Variants in HMGCL observed in about 807,000 individuals in gnomAD.
The protein encoded by HMGCL is 3-hydroxy-3-methylglutaryl-CoA lyase, also known as hydroxymethylglutaryl-CoA lyase, mitochondrial.
Under a neutral mutation model 37.3 loss-of-function variants are expected in HMGCL, and 26 were observed. The observed-to-expected ratio is 0.70, with a 90% CI of 0.51 to 0.97. HMGCL has a LOEUF of 0.97. Among genes scored for constraint, HMGCL ranks in the 50% least tolerant of loss-of-function variants. The pLI is 0.00. For missense variants in HMGCL, 379 were observed against 398.1 expected (o/e 0.95, Z 0.41); for synonymous variants, 151 against 148.0 (o/e 1.02, Z -0.15).
At chr1:23,823,270 C>G (rs1183237442) in intron 1 of HMGCL, among the ~76,000 whole-genome samples, 2 of 151,944 alleles carry the variant, frequency 1.3e-5, no homozygotes, top group Non-Finnish European at 2.9e-5. Context: ...TCCTTCCTTC[C>G]CCGTAACAGC....
Position 23,813,879 on chromosome 1 carries a change from G to A in HMGCL, c.497+311C>T, listed in dbSNP as rs1460631815. 7.1e-6 allele frequency: 3 copies of A among 420,070 alleles called. No homozygotes were observed. In the East Asian group the frequency reaches 1.6e-4, roughly 22 times the overall value. 26.0% of individuals were successfully genotyped at this position (420,070 alleles called of 1,614,324 possible). ...ATTCCTTTAGCATGATAGCAGTGGT[G>A]CTATCATGGCTCACTGCAGCCTCAA... On this transcript the variant is annotated intron_variant, in intron 5 of 8. Transcript: ENST00000374490.
chr1:23,804,352 C>T (rs760734476), intron 8 of HMGCL, 48 bp downstream of exon 8: 4 of 1,612,774 alleles, frequency 2.5e-6, no homozygotes, highest in South Asian at 2.2e-5. Context: ...AGCTTCAGGC[C>T]CCCTGGTCAG....
chr1:23,819,229 A>T (rs910823107), intron 2 of HMGCL, among the ~76,000 whole-genome samples: 5 of 152,040 alleles, frequency 3.3e-5, no homozygotes, highest in African/African-American at 1.2e-4. Context: ...ATTTAATAAA[A>T]ATTGTATAAA....
In HMGCL at chr1:23,814,173, A is replaced by G; in HGVS notation, c.497+17T>C. 6.2e-7 allele frequency: 1 copy of G among 1,612,872 alleles called. No homozygotes were observed. The highest frequency in any genetic ancestry group is 1.3e-5 in the African/African-American group (1 of 74,994). Reference sequence around the variant, plus strand: ...AGAACGGTACAGAGGAAAGGATACCAATGTGCTCTGACTCACCCCCGCACA... The same window carrying G: ...AGAACGGTACAGAGGAAAGGATACCGATGTGCTCTGACTCACCCCCGCACA... On this transcript the variant is annotated intron_variant, in intron 5 of 8. Coordinates refer to ENST00000374490, the MANE Select transcript of HMGCL (RefSeq NM_000191.3).
In HMGCL at chr1:23,817,468, G is replaced by C. The variant is rs759149770; in HGVS notation, c.252+8C>G. On this transcript the variant is annotated splice_region_variant and intron_variant, in intron 3 of 8. Coordinates refer to ENST00000374490, the MANE Select transcript of HMGCL (RefSeq NM_000191.3). The stretch of plus-strand genomic sequence containing the variant: ...GAGAAAGGCCTTTCATTGAGGGCTA[G>C]GGCTCACCTGGGGAACCCACTTAGG... The C allele has an allele frequency of 2.0e-6, 3 of 1,534,898 alleles. No homozygotes were observed. The highest frequency in any genetic ancestry group is 4.5e-5 in the East Asian group (2 of 44,498).
chr1:23,804,301 C>T, intron 8 of HMGCL, 99 bp downstream of exon 8: 1 of 1,453,896 alleles, frequency 6.9e-7, no homozygotes, highest in Non-Finnish European at 9.6e-7. Flanking sequence ...TACTCCTCAG[C>T]ACCTTAACAA....
rs1209826847 is a variant in HMGCL, at chr1:23,816,702, G to A, written c.321C>T (p.Thr107=). ...CTGCCTCGAAGCCTTTCAAATTTGG[G>A]GTCAGGACTGGGTAGTTGATGCCAG... ...KFPGINYPVL[T]PNLKGFEAAV... The change falls in exon 4 of 9, where the codon ACC becomes ACT. Residue 107 remains threonine (T), a synonymous_variant. Transcript: ENST00000374490. 3 of 1,612,450 alleles carry A rather than the reference G, an allele frequency of 1.9e-6. No homozygotes were observed. In the African/African-American group the frequency reaches 4.0e-5, roughly 22 times the overall value.
At position 23,814,313 on chromosome 1, in the gene HMGCL, A is replaced by T; in HGVS notation, c.374T>A (p.Val125Asp). ...AAVAAGAKEV[V>D]IFGAASELFT... is the part of the protein sequence containing the mutation. ...GAGCTCTGAGGCAGCTCCAAAGATG[A>T]CTACTTCCTTGGCTCCAGCAGCAAC... is the stretch of plus-strand genomic sequence containing the variant. Residue 125 changes from valine (V) to aspartate (D), a missense_variant, in exon 5 of 9, where the codon GTC (valine) becomes GAC (aspartate). Val to Asp is a radical substitution (Grantham distance 152). Transcript: ENST00000374490. 6.2e-7 allele frequency: 1 copy of T among 1,613,580 alleles called. No homozygotes were observed. The highest frequency in any genetic ancestry group is 8.5e-7 in the Non-Finnish European group (1 of 1,179,908).
chr1:23,808,333 C>T lies in HMGCL; in HGVS notation c.562-10G>A. The T allele has an allele frequency of 1.2e-6, 2 of 1,612,936 alleles. No homozygotes were observed. The highest frequency in any genetic ancestry group is 1.7e-6 in the Non-Finnish European group (2 of 1,178,996). ...AGAACTTCTTGGTGACCTAAGGAAG[C>T]AAGCAGGCACTTGGAGGATACAGAA... On this transcript the variant is annotated splice_polypyrimidine_tract_variant and intron_variant, in intron 6 of 8. Transcript: ENST00000374490.
At position 23,806,884 on chromosome 1, in the gene HMGCL, CCATAA is replaced by C; in HGVS notation, c.750+1246_750+1250del. On this transcript the variant is annotated intron_variant, in intron 7 of 8. Coordinates refer to ENST00000374490, the MANE Select transcript of HMGCL (RefSeq NM_000191.3). The surrounding 1 kb of genome is among the most constrained non-coding windows in gnomAD (Gnocchi z 4.0). Reference sequence around the variant, plus strand: ...ATCTTCCATCTGTCTTCCCCACCCACCATAACATGAGCTCCCAGAGGGCAGGGATT... The same window carrying C: ...ATCTTCCATCTGTCTTCCCCACCCACCATGAGCTCCCAGAGGGCAGGGATT... 1.2e-5 allele frequency: 6 copies of C among 491,200 alleles called. No homozygotes were observed. The Middle Eastern group carries it at 1.7e-3, about 135-fold the overall frequency. The allele number at this position is 491,200 out of a possible 1,614,324, so 30.4% of individuals were successfully genotyped here.
chr1:23,802,597 C>G (rs141125322), intron 8 of HMGCL, 33 bp from the exon 9 acceptor site: 33 of 1,339,570 alleles, frequency 2.5e-5, no homozygotes, highest in Non-Finnish European at 3.5e-5. Context: ...TGCGGTAAGT[C>G]ATGGTATGCC....
chr1:23,810,521 G>C (rs1250377236), intron 6 of HMGCL: 2 of 559,760 alleles, frequency 3.6e-6, no homozygotes, highest in African/African-American at 3.8e-5. Flanking sequence ...GCTGGATAGA[G>C]GCCAGGGGCT....
At chr1:23,804,968 A>G (rs565016285) in intron 7 of HMGCL, among the ~76,000 whole-genome samples, 1 of 146,894 alleles carries the variant, frequency 6.8e-6, no homozygotes, top group South Asian at 2.2e-4. Context: ...TTCCCAGGTC[A>G]GTCACCTCCC....
intron 2 of HMGCL, among the ~76,000 whole-genome samples, chr1:23,819,841 G>A (rs982421839): frequency 6.6e-6 from 1 of 152,138 alleles, no homozygotes; most frequent in Non-Finnish European, 1.5e-5. Context: ...TGGGATTACA[G>A]GCATGAGCCA....
At chr1:23,825,323 AG>A in intron 1 of HMGCL, 32 bp downstream of exon 1, 1 of 1,531,630 alleles carries the variant, frequency 6.5e-7, no homozygotes, top group Non-Finnish European at 8.8e-7. Flanking sequence ...GAGTGCCTGC[AG>A]GGCCGCCGCC....
At chr1:23,817,053 T>C (rs1172326479) in intron 3 of HMGCL, among the ~76,000 whole-genome samples, 1 of 152,228 alleles carries the variant, frequency 6.6e-6, no homozygotes, top group Non-Finnish European at 1.5e-5. Flanking sequence ...TTATTGAGAA[T>C]GTACTCTGGG....
At chr1:23,815,719 T>C (rs921299403) in intron 4 of HMGCL, among the ~76,000 whole-genome samples, 1 of 151,802 alleles carries the variant, frequency 6.6e-6, no homozygotes, top group Non-Finnish European at 1.5e-5. Context: ...ATGGTCTCGA[T>C]CTCCTGACCT....
chr1:23,807,387 G>A (rs1038821983), intron 7 of HMGCL: 10 of 381,164 alleles, frequency 2.6e-5, no homozygotes, highest in Admixed American at 1.4e-4. Context: ...GCTTAGACAC[G>A]AACCTCTAGG....
intron 1 of HMGCL, among the ~76,000 whole-genome samples, chr1:23,823,468 T>C (rs981299890): frequency 1.2e-4 from 18 of 151,538 alleles, no homozygotes; most frequent in Non-Finnish European, 1.6e-4. Context: ...TTCTCCTGCC[T>C]CAGCCTCCCG....
Sources: gnomAD v4.1 joint callset for allele counts (sites outside exome capture counted in the v4.1 genomes callset) on GRCh38, gnomAD v4.1.1 for gene constraint, Gnocchi (gnomAD v3.1) non-coding constraint, MANE v1.5 for transcripts, NCBI Gene and HGNC (gene_info 2026-07-23, HGNC 2026-07-21) for gene names.